Variants in PHKA2 observed in about 807,000 individuals in gnomAD.
PHKA2 encodes phosphorylase kinase regulatory subunit alpha 2, also known as phosphorylase b kinase regulatory subunit alpha, liver isoform.
PHKA2 carries 31 observed loss-of-function variants against 102.0 expected under a neutral mutation model. That is an observed-to-expected ratio of 0.30 (90% CI 0.23 to 0.41). The LOEUF is 0.41. Among genes scored for constraint, PHKA2 ranks in the 10% least tolerant of loss-of-function variants. The pLI is 1.00. For synonymous variants in PHKA2, 455 were observed against 416.2 expected (o/e 1.09, Z -1.13); for missense variants, 858 against 1,023.1 (o/e 0.84, Z 2.20).
chrX:18,968,497 C>T (rs1234078884), intron 1 of PHKA2, among the ~76,000 whole-genome samples: 3 of 109,841 alleles, frequency 2.7e-5, no homozygotes, highest in Non-Finnish European at 3.8e-5. Context: ...AACAAGTGGA[C>T]GGTTTCTTAA....
chrX:18,902,338 T>C (rs1224044700), intron 26 of PHKA2, among the ~76,000 whole-genome samples: 4 of 107,098 alleles, frequency 3.7e-5, no homozygotes, highest in African/African-American at 1.0e-4. Context: ...GGTTTTGCCA[T>C]GTTGCCCAGG....
intron 18 of PHKA2, among the ~76,000 whole-genome samples, chrX:18,919,153 T>A (rs560719583): frequency 8.9e-6 from 1 of 112,048 alleles, no homozygotes. Flanking sequence ...TAAGACAGCC[T>A]GAAGGATAGC....
chrX:18,918,918 T>C, intron 18 of PHKA2, 64 bp from the exon 19 acceptor site: 1 of 997,593 alleles, frequency 1.0e-6, no homozygotes, highest in Non-Finnish European at 1.4e-6. Flanking sequence ...GACTACACAA[T>C]AGTGACCATG....
At chrX:18,894,894 C>T (rs2047507171) in intron 31 of PHKA2, 1 of 434,628 alleles carries the variant, frequency 2.3e-6, no homozygotes, top group Admixed American at 3.9e-5. Flanking sequence ...GGGTGTCTGG[C>T]AAATGCAAAG....
intron 26 of PHKA2, among the ~76,000 whole-genome samples, chrX:18,903,156 G>T (rs1332838893): frequency 8.9e-6 from 1 of 112,063 alleles, no homozygotes; most frequent in Non-Finnish European, 1.9e-5. Context: ...CTGTGGTATG[G>T]TTCTGTGACC....
chrX:18,917,897 C>T (rs908095348), intron 19 of PHKA2, among the ~76,000 whole-genome samples: 7 of 110,243 alleles, frequency 6.3e-5, no homozygotes, highest in Non-Finnish European at 1.3e-4. Flanking sequence ...GCTGTCACCA[C>T]CATGCCCTCT....
At chrX:18,916,288 G>A (rs1024754032) in intron 19 of PHKA2, among the ~76,000 whole-genome samples, 3 of 111,352 alleles carry the variant, frequency 2.7e-5, no homozygotes, top group Non-Finnish European at 5.7e-5. Flanking sequence ...GATGGTGGGT[G>A]CCTGTAATCC....
chrX:18,969,875 A>G (rs2048997155), intron 1 of PHKA2, among the ~76,000 whole-genome samples: 1 of 112,407 alleles, frequency 8.9e-6, no homozygotes, highest in South Asian at 3.6e-4. Context: ...TAAAAGTTCT[A>G]CATACCTAGT....
Position 18,920,220 on chromosome X carries a change from G to A in PHKA2, c.1794-19C>T. Reference sequence around the variant, plus strand: ...TTTTACTCTGCCAAGAAGACACCGTGTTAGGGACACAGGTAGTGTGTGGAT... The same window carrying A: ...TTTTACTCTGCCAAGAAGACACCGTATTAGGGACACAGGTAGTGTGTGGAT... On this transcript the variant is annotated intron_variant, in intron 17 of 32. Coordinates refer to ENST00000379942, the MANE Select transcript of PHKA2 (RefSeq NM_000292.3). The A allele has an allele frequency of 1.2e-6, 1 of 812,598 alleles. No individual in the cohort carries two copies. Among genetic ancestry groups the A allele is most frequent in the Non-Finnish European group, 1.9e-6 (1 of 531,400 alleles). The allele number at this position is 812,598 out of a possible 1,213,427, so 67.0% of individuals were successfully genotyped here.
chrX:18,972,564 A>G (rs2049030762), intron 1 of PHKA2, among the ~76,000 whole-genome samples: 1 of 112,119 alleles, frequency 8.9e-6, no homozygotes, highest in African/African-American at 3.2e-5. Flanking sequence ...ATGTCCCTCA[A>G]TAGAGCTTTA....
In PHKA2 at chrX:18,960,289, T is replaced by G. The variant is rs769933739; in HGVS notation, c.79-5877A>C. On this transcript the variant is annotated intron_variant, in intron 1 of 32. Coordinates refer to ENST00000379942, the MANE Select transcript of PHKA2 (RefSeq NM_000292.3). Reference sequence around the variant, plus strand: ...ATCTTCCCTCTAGAAACCAGGCTACTCAAGCAACTTGTATCTAAAGCACTG... The same window carrying G: ...ATCTTCCCTCTAGAAACCAGGCTACGCAAGCAACTTGTATCTAAAGCACTG... Among the ~76,000 whole-genome samples, 3 of 112,366 alleles carry G rather than the reference T, an allele frequency of 2.7e-5. No homozygotes were observed. In the East Asian group the frequency reaches 8.3e-4, roughly 31 times the overall value.
In PHKA2 at chrX:18,893,454, T is replaced by C. The variant is rs988693219; in HGVS notation, c.*31A>G. On this transcript the variant is annotated 3_prime_UTR_variant, in exon 33 of 33. Transcript: ENST00000379942. ...TAAGGCTAGGGGGCACGTGACAGAT[T>C]GAGAGTGTGATCATGTTTCCAGGTG... is the stretch of plus-strand genomic sequence containing the variant. The C allele has an allele frequency of 8.4e-7, 1 of 1,193,939 alleles. No homozygotes were observed. The highest frequency in any genetic ancestry group is 2.2e-5 in the Admixed American group (1 of 45,895).
chrX:18,924,490 G>C lies in PHKA2; in HGVS notation c.1605C>G (p.Asp535Glu). The C allele has an allele frequency of 8.3e-7, 1 of 1,210,718 alleles. No individual in the cohort carries two copies. Among genetic ancestry groups the C allele is most frequent in the Non-Finnish European group, 1.1e-6 (1 of 894,564 alleles). ...TTAGCATCTCCACGATCATCTCATT[G>C]TCGAGGGCCAGGTAGAAGTGATGCT... ...TDQHHFYLAL[D>E]NEMIVEMLRI... The change falls in exon 16 of 33, where the codon GAC (aspartate) becomes GAG (glutamate). Residue 535 changes from aspartate to glutamate, a missense_variant. Asp to Glu is a conservative substitution (Grantham distance 45). Coordinates refer to ENST00000379942, the MANE Select transcript of PHKA2 (RefSeq NM_000292.3).
chrX:18,929,307 C>G lies in PHKA2; in HGVS notation c.1246-1G>C. 8.8e-7 allele frequency: 1 copy of G among 1,132,044 alleles called. No individual in the cohort carries two copies. Among genetic ancestry groups the G allele is most frequent in the South Asian group, 1.9e-5 (1 of 52,242 alleles). The allele number at this position is 1,132,044 out of a possible 1,213,427, so 93.3% of individuals were successfully genotyped here. A position where few individuals can be genotyped will look rare whatever the true frequency, so the allele number is the denominator to read the frequency against. On this transcript the variant is annotated splice_acceptor_variant, in intron 12 of 32. Transcript: ENST00000379942. LOFTEE classifies it high-confidence loss of function. ...CGATTTCACCAGCGGCAAGGAATCC[C>G]TATGAAAAGAGGAGCATTAACACTA...
At chrX:18,943,224 T>C (rs1569321198) in intron 7 of PHKA2, among the ~76,000 whole-genome samples, 1 of 111,778 alleles carries the variant, frequency 8.9e-6, no homozygotes, top group Non-Finnish European at 1.9e-5. Flanking sequence ...GATCACTCCT[T>C]TCTCTGACCT....
chrX:18,926,316 C>A (rs2048208879), intron 14 of PHKA2, 137 bp downstream of exon 14: 4 of 570,264 alleles, frequency 7.0e-6, no homozygotes, highest in African/African-American at 2.2e-5. Context: ...CTCTTCACAT[C>A]GAAGCGGTGG....
At chrX:18,927,662 T>G (rs932489381) in intron 13 of PHKA2, among the ~76,000 whole-genome samples, 1 of 111,944 alleles carries the variant, frequency 8.9e-6, no homozygotes, top group African/African-American at 3.2e-5. Flanking sequence ...TCATCTGACC[T>G]TCACAACAAG....
At chrX:18,901,203 A>T (rs982910445) in intron 27 of PHKA2, among the ~76,000 whole-genome samples, 1 of 110,895 alleles carries the variant, frequency 9.0e-6, no homozygotes, top group African/African-American at 3.3e-5. Context: ...CCCACTCCTA[A>T]GAGTGGTTCT....
At chrX:18,938,545 T>C (rs1569317951) in intron 10 of PHKA2, 82 bp downstream of exon 10, 1 of 998,586 alleles carries the variant, frequency 1.0e-6, no homozygotes, top group East Asian at 3.1e-5. Flanking sequence ...CCTAAATTCT[T>C]GCATAACCCT....
Sources: gnomAD v4.1 joint callset for allele counts (sites outside exome capture counted in the v4.1 genomes callset) on GRCh38, gnomAD v4.1.1 for gene constraint, MANE v1.5 for transcripts, NCBI Gene and HGNC (gene_info 2026-07-23, HGNC 2026-07-21) for gene names.